Variants in MCF2L2 observed in about 807,000 individuals in gnomAD.
The protein encoded by MCF2L2 is probable guanine nucleotide exchange factor MCF2L2.
Under a neutral mutation model 150.2 loss-of-function variants are expected in MCF2L2, and 102 were observed. The observed-to-expected ratio is 0.68, with a 90% CI of 0.58 to 0.80. MCF2L2 has a LOEUF of 0.80. Among genes scored for constraint, MCF2L2 ranks in the 30% least tolerant of loss-of-function variants. The pLI is 0.00. For missense variants in MCF2L2, 1,256 were observed against 1,372.8 expected (o/e 0.91, Z 1.34); for synonymous variants, 465 against 491.3 (o/e 0.95, Z 0.71).
chr3:183,219,811 C>T (rs1236818094), intron 21 of MCF2L2, 45 bp downstream of exon 21: 2 of 1,288,660 alleles, frequency 1.6e-6, no homozygotes, highest in South Asian at 2.4e-5. Flanking sequence ...AGACAAACAC[C>T]ATTAATAGTT....
intron 1 of MCF2L2, among the ~76,000 whole-genome samples, chr3:183,420,411 C>T (rs1325790326): frequency 1.3e-5 from 2 of 152,054 alleles, no homozygotes; most frequent in African/African-American, 4.8e-5. Context: ...ACCAGCCTGA[C>T]CAATATGGTG....
intron 5 of MCF2L2, among the ~76,000 whole-genome samples, chr3:183,336,322 T>C (rs1003764484): frequency 1.3e-5 from 2 of 152,178 alleles, no homozygotes; most frequent in Non-Finnish European, 2.9e-5. Flanking sequence ...ACAAAGGGCA[T>C]GTGATATTCT....
chr3:183,313,296 A>C (rs964798539), intron 7 of MCF2L2, among the ~76,000 whole-genome samples: 1 of 152,024 alleles, frequency 6.6e-6, no homozygotes, highest in African/African-American at 2.4e-5. Flanking sequence ...AAAGGTGGAG[A>C]GGCTAAAGGA....
rs536216858 is a variant in MCF2L2, at chr3:183,270,985, G to A, written c.1862+5887C>T. 6.8e-7 allele frequency: 1 copy of A among 1,478,730 alleles called. No individual in the cohort carries two copies. The highest frequency in any genetic ancestry group is 9.1e-7 in the Non-Finnish European group (1 of 1,104,124). 91.6% of individuals were successfully genotyped at this position (1,478,730 alleles called of 1,614,324 possible). On this transcript the variant is annotated intron_variant, in intron 15 of 29. Coordinates refer to ENST00000328913, the MANE Select transcript of MCF2L2 (RefSeq NM_015078.4). This position sits in a 1 kb window ranked among gnomAD's most constrained non-coding sequence, Gnocchi z 4.5. ...CACTGTCACTGAGTCAAACCTGGATGAAAAAAACCTTTAAATGTTCGTCTA... is the reference window on the plus strand; with the variant it reads ...CACTGTCACTGAGTCAAACCTGGATAAAAAAAACCTTTAAATGTTCGTCTA...
chr3:183,211,917 A>G (rs1038069253), intron 22 of MCF2L2, among the ~76,000 whole-genome samples: 5 of 152,186 alleles, frequency 3.3e-5, no homozygotes, highest in African/African-American at 1.2e-4. Flanking sequence ...GAGACCCTCA[A>G]AATATGATCT....
rs1729348520 is a variant in MCF2L2, at chr3:183,310,967, A to G, written c.941T>C (p.Leu314Pro). Reference protein sequence around the residue: ...AFSHFWSEHHLKLNQCLQLQH... With the variant: ...AFSHFWSEHHPKLNQCLQLQH... ...TAGTTGTAGGCACTGGTTAAGCTTC[A>G]GATGATGCTCAGACCAAAAGTGACT... Residue 314 changes from leucine (L) to proline (P), a missense_variant, in exon 9 of 30, where the codon CTG becomes CCG. Physicochemically the swap from Leu to Pro is moderately conservative, Grantham distance 98. Coordinates refer to ENST00000328913, the MANE Select transcript of MCF2L2 (RefSeq NM_015078.4). 6.2e-7 allele frequency: 1 copy of G among 1,614,006 alleles called. No homozygotes were observed. The highest frequency in any genetic ancestry group is 8.5e-7 in the Non-Finnish European group (1 of 1,179,956).
chr3:183,320,731 G>A (rs1440128512), intron 6 of MCF2L2, among the ~76,000 whole-genome samples: 1 of 152,190 alleles, frequency 6.6e-6, no homozygotes, highest in Non-Finnish European at 1.5e-5. Flanking sequence ...CACTGGAGTA[G>A]CATTTTTAGT....
chr3:183,270,878 T>G lies in MCF2L2; in HGVS notation c.1862+5994A>C. The G allele has an allele frequency of 1.9e-6, 3 of 1,609,106 alleles. No individual in the cohort carries two copies. Among genetic ancestry groups the G allele is most frequent in the Non-Finnish European group, 2.5e-6 (3 of 1,178,466 alleles). ...TATACTGCAGATTAATGAAGATAAT[T>G]CTCCTTTGTAAAATTAGCTATGTGG... On this transcript the variant is annotated intron_variant, in intron 15 of 29. Transcript: ENST00000328913. This position sits in a 1 kb window ranked among gnomAD's most constrained non-coding sequence, Gnocchi z 4.5.
At chr3:183,387,189 T>C (rs534364251) in intron 2 of MCF2L2, among the ~76,000 whole-genome samples, 14 of 147,774 alleles carry the variant, frequency 9.5e-5, no homozygotes, top group Admixed American at 3.4e-4. Flanking sequence ...CACTTGAGCC[T>C]GGGAGGTCAA....
At chr3:183,210,951 T>C (rs1222985209) in intron 22 of MCF2L2, among the ~76,000 whole-genome samples, 1 of 152,116 alleles carries the variant, frequency 6.6e-6, no homozygotes, top group Non-Finnish European at 1.5e-5. Context: ...GTTGGCAATG[T>C]GATCTCTCCC....
chr3:183,288,092 A>C (rs1260558895), intron 14 of MCF2L2, among the ~76,000 whole-genome samples: 1 of 152,200 alleles, frequency 6.6e-6, no homozygotes, highest in African/African-American at 2.4e-5. Context: ...CAGTTTCTAA[A>C]TATATGTTAC....
At chr3:183,295,010 G>GCCA (rs1379330398) in intron 13 of MCF2L2, among the ~76,000 whole-genome samples, 1 of 152,016 alleles carries the variant, frequency 6.6e-6, no homozygotes, top group East Asian at 1.9e-4. Flanking sequence ...TAATCCACCC[G>GCCA]CCACGGCCTC....
At chr3:183,208,358 C>T (rs73886279) in intron 22 of MCF2L2, among the ~76,000 whole-genome samples, 1,627 of 152,264 alleles carry the variant, frequency 0.011, 27 homozygotes, top group African/African-American at 0.037. Flanking sequence ...CTAATCTTCA[C>T]AACATTGTAA....
chr3:183,259,697 C>T (rs1200201539), intron 15 of MCF2L2, among the ~76,000 whole-genome samples: 2 of 152,060 alleles, frequency 1.3e-5, no homozygotes, highest in Non-Finnish European at 2.9e-5. Context: ...TCCTTCCTTC[C>T]ACCCCACCTC....
At chr3:183,382,051 T>TTTATTATTA (rs3050286) in intron 2 of MCF2L2, among the ~76,000 whole-genome samples, 2,009 of 148,448 alleles carry the variant, frequency 0.014, 18 homozygotes, top group African/African-American at 0.026. Context: ...AATTTCACCT[T>TTTATTATTA]TTATTATTAT....
chr3:183,338,566 C>T (rs1730581133), intron 5 of MCF2L2, among the ~76,000 whole-genome samples: 1 of 152,066 alleles, frequency 6.6e-6, no homozygotes, highest in South Asian at 2.1e-4. Context: ...GTTTCTTACT[C>T]TTTCCTCCAA....
At chr3:183,277,455 TCTC>T (rs766354745) in intron 14 of MCF2L2, among the ~76,000 whole-genome samples, 1 of 149,286 alleles carries the variant, frequency 6.7e-6, no homozygotes, top group Non-Finnish European at 1.5e-5. Context: ...GCATTCAACA[TCTC>T]CTTTTTTTTT....
At chr3:183,209,060 C>G (rs184932808) in intron 22 of MCF2L2, among the ~76,000 whole-genome samples, 1 of 152,316 alleles carries the variant, frequency 6.6e-6, no homozygotes, top group East Asian at 1.9e-4. Flanking sequence ...AAAGCCAATG[C>G]TCCTGTTCTG....
chr3:183,385,058 G>GT (rs376191709), intron 2 of MCF2L2, among the ~76,000 whole-genome samples: 414 of 152,224 alleles, frequency 2.7e-3, no homozygotes, highest in African/African-American at 9.6e-3. Context: ...GAGATATGCT[G>GT]TAAGTATAAA....
Sources: allele counts gnomAD v4.1 joint callset (sites outside exome capture counted in the v4.1 genomes callset), GRCh38; gene constraint gnomAD v4.1.1; non-coding constraint Gnocchi (gnomAD v3.1); transcripts MANE v1.5; gene names NCBI Gene and HGNC (gene_info 2026-07-23, HGNC 2026-07-21).